Variants in AGPAT3 observed in about 807,000 individuals in gnomAD.
AGPAT3 encodes 1-acyl-sn-glycerol-3-phosphate acyltransferase gamma.
Under a neutral mutation model 47.3 loss-of-function variants are expected in AGPAT3, and 5 were observed. The ratio of observed to expected loss-of-function variants is 0.11; its 90% CI spans 0.06 to 0.22. The LOEUF (loss-of-function observed/expected upper bound fraction) is 0.22, where lower values mean the gene tolerates loss of function less well. Among genes scored for constraint, AGPAT3 ranks in the 10% least tolerant of loss-of-function variants. The pLI, the probability that AGPAT3 is intolerant of heterozygous loss-of-function variation, is 1.00. For missense variants in AGPAT3, 315 were observed against 493.0 expected (o/e 0.64, Z 3.42); for synonymous variants, 212 against 208.3 (o/e 1.02, Z -0.15).
At chr21:43,907,049 T>C (rs2086516788) in intron 2 of AGPAT3, among the ~76,000 whole-genome samples, 1 of 142,912 alleles carries the variant, frequency 7.0e-6, no homozygotes, top group South Asian at 2.2e-4. Context: ...TTTTTTTTTT[T>C]GAGAGGGGGT....
chr21:43,956,890 T>C (rs1240058996), intron 2 of AGPAT3, among the ~76,000 whole-genome samples: 7 of 152,160 alleles, frequency 4.6e-5, no homozygotes. Context: ...GCCTTGGCAA[T>C]CACGTAGCAC....
rs1009038474 is a variant in AGPAT3, at chr21:43,934,713, T to G, written c.-48-24921T>G. Among the ~76,000 whole-genome samples, 4 of 152,008 alleles carry G rather than the reference T, an allele frequency of 2.6e-5. No homozygotes were observed. The highest frequency in any genetic ancestry group is 5.9e-5 in the Non-Finnish European group (4 of 67,982). ...GCACGAGGAGGCCACGTGCCCATGG[T>G]GGAGGAGCCACAGCACAAAGCAAGC... is the stretch of plus-strand genomic sequence containing the variant. On this transcript the variant is annotated intron_variant, in intron 2 of 9. Coordinates refer to ENST00000291572, the MANE Select transcript of AGPAT3 (RefSeq NM_020132.5). This position sits in a 1 kb window ranked among gnomAD's most constrained non-coding sequence, Gnocchi z 4.7.
rs115247305 is a variant in AGPAT3 at position 43,973,640 on chromosome 21, G to A, written c.767+2150G>A. Among the ~76,000 whole-genome samples the A allele has an allele frequency of 7.6e-3, 1,156 of 152,330 alleles. 14 individuals are homozygous for A. Among genetic ancestry groups the A allele is most frequent in the African/African-American group, 0.026 (1,079 of 41,562 alleles). On this transcript the variant is annotated intron_variant, in intron 7 of 9. Coordinates refer to ENST00000291572, the MANE Select transcript of AGPAT3 (RefSeq NM_020132.5). ...CCCGATCATATTTTAATAAATACTC[G>A]CTTTGAACTTGTAAGGCTTCGGCTG...
chr21:43,958,925 G>A (rs1312916708), intron 2 of AGPAT3, among the ~76,000 whole-genome samples: 4 of 143,460 alleles, frequency 2.8e-5, no homozygotes, highest in African/African-American at 1.1e-4. Context: ...TGTGTGGCAT[G>A]TGTGTGGCTT....
intron 1 of AGPAT3, among the ~76,000 whole-genome samples, chr21:43,877,106 G>A (rs1196725610): frequency 6.6e-6 from 1 of 152,166 alleles, no homozygotes; most frequent in Admixed American, 6.5e-5. Context: ...GGATCCGCTT[G>A]CCTTGGCCTC....
intron 1 of AGPAT3, among the ~76,000 whole-genome samples, chr21:43,873,589 G>A (rs2085670811): frequency 6.6e-6 from 1 of 152,150 alleles, no homozygotes; most frequent in Admixed American, 6.5e-5. Flanking sequence ...TGTTGGCCAG[G>A]CTGGTCTCGA....
At position 43,954,933 on chromosome 21, in the gene AGPAT3, G is replaced by A; in HGVS notation, c.-48-4701G>A. ...TAGACTTTCTAGCCCAGAGGTTCAG[G>A]TGATGGACCAGAGACTGGCCGCTTT... On this transcript the variant is annotated intron_variant, in intron 2 of 9. Coordinates refer to ENST00000291572, the MANE Select transcript of AGPAT3 (RefSeq NM_020132.5). This position sits in a 1 kb window ranked among gnomAD's most constrained non-coding sequence, Gnocchi z 4.0. 3.4e-6 allele frequency: 3 copies of A among 879,826 alleles called. No homozygotes were observed. The highest frequency in any genetic ancestry group is 4.4e-6 in the Non-Finnish European group (3 of 687,220). 54.5% of individuals were successfully genotyped at this position (879,826 alleles called of 1,614,324 possible).
chr21:43,959,939 G>T (rs566820643), intron 3 of AGPAT3, 80 bp downstream of exon 3: 3 of 1,455,720 alleles, frequency 2.1e-6, no homozygotes, highest in South Asian at 2.5e-5. Flanking sequence ...GCAGCCGTGG[G>T]CTCTCAGGCA....
At chr21:43,905,582 C>G (rs141647653) in intron 2 of AGPAT3, among the ~76,000 whole-genome samples, 1 of 152,198 alleles carries the variant, frequency 6.6e-6, no homozygotes, top group Non-Finnish European at 1.5e-5. Flanking sequence ...AGTGGCAGCT[C>G]CCAGCTAACT....
rs899837651 is a variant in AGPAT3 at position 43,932,673 on chromosome 21, C to G, written c.-48-26961C>G. 6.6e-6 allele frequency among the ~76,000 whole-genome samples: 1 copy of G among 152,190 alleles called. No homozygotes were observed. The highest frequency in any genetic ancestry group is 2.4e-5 in the African/African-American group (1 of 41,442). On this transcript the variant is annotated intron_variant, in intron 2 of 9. Coordinates refer to ENST00000291572, the MANE Select transcript of AGPAT3 (RefSeq NM_020132.5). The surrounding 1 kb of genome is among the most constrained non-coding windows in gnomAD (Gnocchi z 5.2). Reference sequence around the variant, plus strand: ...GGTAGTTCCTTTTGTTTTCTTGAGACGGAGTCTTGCTCTGTCGCCCAGGCT... The same window carrying G: ...GGTAGTTCCTTTTGTTTTCTTGAGAGGGAGTCTTGCTCTGTCGCCCAGGCT...
In AGPAT3 at chr21:43,915,405, C is replaced by CTTTTTTT. The variant is rs747494231; in HGVS notation, c.-49+11406_-49+11412dup. On this transcript the variant is annotated intron_variant, in intron 2 of 9. Transcript: ENST00000291572. The stretch of plus-strand genomic sequence containing the variant: ...TTTTATTCTCCATTTTCTTGATTAG[C>CTTTTTTT]TTTTTTTTTTTTTTTTTTTTTTTTT... Among the ~76,000 whole-genome samples the CTTTTTTT allele has an allele frequency of 5.1e-5, 2 of 38,848 alleles. 1 individual carries two copies. The highest frequency in any genetic ancestry group is 9.7e-5 in the Non-Finnish European group (2 of 20,606). 25.5% of individuals were successfully genotyped at this position (38,848 alleles called of 152,430 possible). A position where few individuals can be genotyped will look rare whatever the true frequency, so the allele number is the denominator to read the frequency against.
intron 1 of AGPAT3, among the ~76,000 whole-genome samples, chr21:43,869,999 G>A (rs950327873): frequency 6.6e-6 from 1 of 152,224 alleles, no homozygotes; most frequent in Non-Finnish European, 1.5e-5. Flanking sequence ...GCCACCACAC[G>A]TGGCTAAGTT....
chr21:43,924,667 C>G (rs542017923), intron 2 of AGPAT3, among the ~76,000 whole-genome samples: 9 of 152,218 alleles, frequency 5.9e-5, no homozygotes, highest in Admixed American at 2.6e-4. Context: ...AGCTGTGGCT[C>G]GCTGGTCTCG....
rs1005579306 is a variant in AGPAT3, at chr21:43,932,399, G to A, written c.-48-27235G>A. Among the ~76,000 whole-genome samples the A allele has an allele frequency of 2.6e-5, 4 of 152,154 alleles. No homozygotes were observed. The highest frequency in any genetic ancestry group is 9.7e-5 in the African/African-American group (4 of 41,420). On this transcript the variant is annotated intron_variant, in intron 2 of 9. Coordinates refer to ENST00000291572, the MANE Select transcript of AGPAT3 (RefSeq NM_020132.5). This position sits in a 1 kb window ranked among gnomAD's most constrained non-coding sequence, Gnocchi z 5.2. The stretch of plus-strand genomic sequence containing the variant: ...ACTGGCTGATTATCCACTTAGTGTC[G>A]GGTCTACCACGTTTGTCTGTGATGT...
rs112906148 is a variant in AGPAT3, at chr21:43,975,985, C to CTTT, written c.768-2049_768-2047dup. Among the ~76,000 whole-genome samples, 1,055 of 140,564 alleles carry CTTT rather than the reference C, an allele frequency of 7.5e-3. 3 individuals carry two copies. Among genetic ancestry groups the CTTT allele is most frequent in the Middle Eastern group, 0.011 (3 of 278 alleles). The allele number at this position is 140,564 out of a possible 152,430, so 92.2% of individuals were successfully genotyped here. On this transcript the variant is annotated intron_variant, in intron 7 of 9. Transcript: ENST00000291572. The stretch of plus-strand genomic sequence containing the variant: ...GGCAGGGATGTGTGTTTTTCTTTTC[C>CTTT]TTTTTTTTTTTTTTAAGAGAAAACC...
At position 43,880,350 on chromosome 21, in the gene AGPAT3, G is replaced by A. The variant is rs1300446424; in HGVS notation, c.-112+15005G>A. Among the ~76,000 whole-genome samples, 1 of 152,220 alleles carries A rather than the reference G, an allele frequency of 6.6e-6. No individual in the cohort carries two copies. Among genetic ancestry groups the A allele is most frequent in the Non-Finnish European group, 1.5e-5 (1 of 68,032 alleles). On this transcript the variant is annotated intron_variant, in intron 1 of 9. Transcript: ENST00000291572. This position sits in a 1 kb window ranked among gnomAD's most constrained non-coding sequence, Gnocchi z 4.5. ...GAACACACTGGAGAGGCATCTGCAG[G>A]GGCGGGGTGGGGCTCCTGGTCAGCC... is the stretch of plus-strand genomic sequence containing the variant.
At position 43,933,137 on chromosome 21, in the gene AGPAT3, G is replaced by T. The variant is rs114050728; in HGVS notation, c.-48-26497G>T. ...TGAAATGACACCTCCCTGTGGCTTC[G>T]ATTTGCTTCTCCCTGATGGTTAATA... On this transcript the variant is annotated intron_variant, in intron 2 of 9. Transcript: ENST00000291572. The surrounding 1 kb of genome is among the most constrained non-coding windows in gnomAD (Gnocchi z 6.0). Among the ~76,000 whole-genome samples, 1 of 152,178 alleles carries T rather than the reference G, an allele frequency of 6.6e-6. No individual in the cohort carries two copies. The highest frequency in any genetic ancestry group is 2.1e-4 in the South Asian group (1 of 4,828).
intron 2 of AGPAT3, among the ~76,000 whole-genome samples, chr21:43,959,262 G>T (rs916943273): frequency 1.4e-5 from 2 of 146,030 alleles, no homozygotes; most frequent in African/African-American, 5.1e-5. Context: ...TTTGCGGTGT[G>T]TGTGGCATGT....
intron 7 of AGPAT3, among the ~76,000 whole-genome samples, chr21:43,977,506 C>T (rs2089661985): frequency 6.6e-6 from 1 of 152,208 alleles, no homozygotes; most frequent in African/African-American, 2.4e-5. Flanking sequence ...ATCCTGGCCT[C>T]TCGCCGCCAT....
Sources: allele counts gnomAD v4.1 joint callset (sites outside exome capture counted in the v4.1 genomes callset), GRCh38; gene constraint gnomAD v4.1.1; non-coding constraint Gnocchi (gnomAD v3.1); transcripts MANE v1.5; gene names NCBI Gene and HGNC (gene_info 2026-07-23, HGNC 2026-07-21).